PPCDC: variants seen among roughly 807,000 people sequenced by gnomAD.
The protein encoded by PPCDC is phosphopantothenoylcysteine decarboxylase.
A neutral mutation model predicts 20.7 loss-of-function variants in PPCDC; 20 were observed. The ratio of observed to expected loss-of-function variants is 0.97; its 90% confidence interval spans 0.68 to 1.41. The LOEUF (loss-of-function observed/expected upper bound fraction) is 1.41, where lower values mean the gene tolerates loss of function less well. Ranked by LOEUF, PPCDC falls within the 40% of genes most tolerant of loss-of-function variation. The pLI is 0.00. For synonymous variants in PPCDC, 88 were observed against 100.3 expected, an observed-to-expected ratio of 0.88 and a Z score of 0.73; for missense variants, 246 against 263.8, an observed-to-expected ratio of 0.93 and a Z score of 0.47.
At position 75,028,303 on chromosome 15, in the gene PPCDC, A is replaced by G. The variant is rs1018574719; in HGVS notation, c.-16A>G. ...GGCCTGGCAGGCTCCCAGAACTTGA[A>G]GCCACCAGACCCCACATGGAACCAA... On this transcript the variant is annotated 5_prime_UTR_variant, in exon 2 of 6. Coordinates refer to ENST00000342932, the MANE Select transcript of PPCDC (RefSeq NM_021823.5). The G allele has an allele frequency of 1.6e-5, 25 of 1,611,640 alleles. No individual in the cohort carries two copies. Among genetic ancestry groups the G allele is most frequent in the Non-Finnish European group, 1.8e-5 (21 of 1,179,322 alleles).
intron 2 of PPCDC, among the ~76,000 whole-genome samples, chr15:75,032,731 C>A (rs1008420580): frequency 1.5e-5 from 2 of 130,490 alleles, no homozygotes; most frequent in African/African-American, 6.0e-5. Flanking sequence ...TGGACCCCCC[C>A]CCCCAAGGCC....
At position 75,031,038 on chromosome 15, in the gene PPCDC, G is replaced by C. The variant is rs546259026; in HGVS notation, c.135+2585G>C. Reference sequence around the variant, plus strand: ...GGGCAACCGTGTCACAAGAGAGGCAGCTGAGCACATTTCTGACGCTGGGAC... The same window carrying C: ...GGGCAACCGTGTCACAAGAGAGGCACCTGAGCACATTTCTGACGCTGGGAC... On this transcript the variant is annotated intron_variant, in intron 2 of 5. Coordinates refer to ENST00000342932, the MANE Select transcript of PPCDC (RefSeq NM_021823.5). Among the ~76,000 whole-genome samples the C allele has an allele frequency of 7.6e-4, 116 of 152,266 alleles. 1 individual carries two copies. Among genetic ancestry groups the C allele is most frequent in the African/African-American group, 2.6e-3 (108 of 41,542 alleles).
chr15:75,032,219 G>A (rs1212556714), intron 2 of PPCDC, among the ~76,000 whole-genome samples: 2 of 152,202 alleles, frequency 1.3e-5, no homozygotes, highest in Non-Finnish European at 2.9e-5. Context: ...CAGGGCAGGT[G>A]TCAGCAGAAT....
At chr15:75,037,072 C>T (rs2141486125) in intron 2 of PPCDC, among the ~76,000 whole-genome samples, 1 of 152,262 alleles carries the variant, frequency 6.6e-6, no homozygotes, top group East Asian at 1.9e-4. Context: ...GGACCTAGAC[C>T]TTCAGGAAGT....
rs376059095 is a variant in PPCDC, at chr15:75,032,735, C to CG, written c.135+4282_135+4283insG. The stretch of plus-strand genomic sequence containing the variant: ...AGCTAGCAAACTGGACCCCCCCCCC[C>CG]AAGGCCAAATTCGGCTCTGCCTGTT... On this transcript the variant is annotated intron_variant, in intron 2 of 5. Transcript: ENST00000342932. Among the ~76,000 whole-genome samples the CG allele has an allele frequency of 1.6e-4, 22 of 136,388 alleles. 1 individual carries two copies. The highest frequency in any genetic ancestry group is 3.1e-5 in the Non-Finnish European group (2 of 64,368). 89.5% of individuals were successfully genotyped at this position (136,388 alleles called of 152,430 possible).
At chr15:75,040,501 A>G (rs2066139362) in intron 2 of PPCDC, among the ~76,000 whole-genome samples, 1 of 152,160 alleles carries the variant, frequency 6.6e-6, no homozygotes, top group Non-Finnish European at 1.5e-5. Context: ...CTTTAAATTT[A>G]TCTTTTTATA....
At chr15:75,036,799 A>T (rs541887229) in intron 2 of PPCDC, among the ~76,000 whole-genome samples, 96 of 152,164 alleles carry the variant, frequency 6.3e-4, no homozygotes, top group African/African-American at 2.3e-3. Context: ...CAATTTGGGG[A>T]TGATTCTTTT....
chr15:75,048,381 G>A (rs2304901), intron 4 of PPCDC, among the ~76,000 whole-genome samples, 172 bp from the exon 5 acceptor site: 35,616 of 152,186 alleles, frequency 0.23, 4,956 homozygotes, highest in Non-Finnish European at 0.31. Context: ...GAGGTGGAGA[G>A]AGGCGAGGAG....
At chr15:75,032,724 A>AACC (rs2066036136) in intron 2 of PPCDC, among the ~76,000 whole-genome samples, 1 of 96,652 alleles carries the variant, frequency 1.0e-5, no homozygotes. Context: ...AGCAAACTGG[A>AACC]CCCCCCCCCC....
intron 2 of PPCDC, among the ~76,000 whole-genome samples, chr15:75,031,492 T>C (rs900745554): frequency 6.6e-6 from 1 of 152,036 alleles, no homozygotes; most frequent in Non-Finnish European, 1.5e-5. Context: ...GGCGGATCAC[T>C]TGAGGCCAGT....
At chr15:75,032,562 A>T (rs1230916516) in intron 2 of PPCDC, among the ~76,000 whole-genome samples, 2 of 152,192 alleles carry the variant, frequency 1.3e-5, no homozygotes, top group East Asian at 3.9e-4. Flanking sequence ...CAAACAAAAT[A>T]TCCAGCAGTA....
intron 2 of PPCDC, among the ~76,000 whole-genome samples, chr15:75,036,225 A>C (rs28689941): frequency 0.01 from 1,527 of 152,362 alleles, 25 homozygotes; most frequent in African/African-American, 0.035. Context: ...AGAATTATTT[A>C]GTATCATAGA....
rs533906022 is a variant in PPCDC at position 75,042,546 on chromosome 15, G to A, written c.136-895G>A. Among the ~76,000 whole-genome samples the A allele has an allele frequency of 9.2e-5, 14 of 151,884 alleles. 1 individual carries two copies. The East Asian group carries it at 1.9e-3, about 21-fold the overall frequency. ...TGTGCACCTGTAATCCCAGCTACTC[G>A]GGAGGCTGAGGCAGGAGAATGGCTT... is the stretch of plus-strand genomic sequence containing the variant. On this transcript the variant is annotated intron_variant, in intron 2 of 5. Transcript: ENST00000342932.
chr15:75,043,470 A>T lies in PPCDC; in HGVS notation c.165A>T (p.Arg55Ser). ...GLEVAVVTTE[R>S]AKHFYSPQDI... ...AAGTAGCAGTGGTCACAACTGAGAG[A>T]GCCAAACATTTCTACAGCCCCCAGG... The change falls in exon 3 of 6, where the codon AGA becomes AGT. Residue 55 changes from arginine to serine, a missense_variant. Physicochemically the swap from Arg to Ser is moderately radical, Grantham distance 110. Around this residue, in one of 2 missense-constraint regions of PPCDC, gnomAD observed 225 missense variants for 222.6 expected, o/e 1.01. Transcript: ENST00000342932. 1 of 1,612,992 alleles carries T rather than the reference A, an allele frequency of 6.2e-7. No homozygotes were observed. The highest frequency in any genetic ancestry group is 8.5e-7 in the Non-Finnish European group (1 of 1,179,530).
chr15:75,047,409 G>C (rs983135146), intron 4 of PPCDC, among the ~76,000 whole-genome samples: 1 of 152,220 alleles, frequency 6.6e-6, no homozygotes, highest in Non-Finnish European at 1.5e-5. Flanking sequence ...GGACTTGGGG[G>C]AGGTGCTGGT....
rs867404204 is a variant in PPCDC, at chr15:75,050,663, C to T, written c.*1428C>T. The T allele has an allele frequency of 1.3e-5, 2 of 152,366 alleles. No individual in the cohort carries two copies. The highest frequency in any genetic ancestry group is 4.8e-5 in the African/African-American group (2 of 41,574). 9.4% of individuals were successfully genotyped at this position (152,366 alleles called of 1,614,324 possible). A position where few individuals can be genotyped will look rare whatever the true frequency, so the allele number is the denominator to read the frequency against. On this transcript the variant is annotated 3_prime_UTR_variant, in exon 6 of 6. Transcript: ENST00000342932. ...CCTTTATCTCAACAGCACTTGACTTCACCAGGTGACCCTTTGGGATAAAAT... is the reference window on the plus strand; with the variant it reads ...CCTTTATCTCAACAGCACTTGACTTTACCAGGTGACCCTTTGGGATAAAAT...
At chr15:75,032,650 GCTCT>G (rs1382023237) in intron 2 of PPCDC, among the ~76,000 whole-genome samples, 2 of 151,360 alleles carry the variant, frequency 1.3e-5, no homozygotes, top group Non-Finnish European at 2.9e-5. Flanking sequence ...AAATGGGGTG[GCTCT>G]CTCTGTGCTG....
chr15:75,047,515 A>G (rs891246714), intron 4 of PPCDC, among the ~76,000 whole-genome samples: 2 of 152,058 alleles, frequency 1.3e-5, no homozygotes, highest in Admixed American at 1.3e-4. Context: ...TACCCTGAGG[A>G]GCTCACAGCC....
intron 1 of PPCDC, among the ~76,000 whole-genome samples, chr15:75,024,433 G>A (rs1321731673): frequency 2.6e-5 from 4 of 151,084 alleles, no homozygotes; most frequent in Admixed American, 6.6e-5. Flanking sequence ...CTGCAGCCTC[G>A]ACCTCCTGGG....
Sources: allele counts gnomAD v4.1 joint callset (sites outside exome capture counted in the v4.1 genomes callset), GRCh38; gene constraint gnomAD v4.1.1; regional missense constraint gnomAD v4.1.1; transcripts MANE v1.5; gene names NCBI Gene and HGNC (gene_info 2026-07-23, HGNC 2026-07-21).